DENND5B: variants seen among roughly 807,000 people sequenced by gnomAD.
DENND5B encodes DENN domain-containing protein 5B.
In DENND5B, 34 loss-of-function variants were observed where a neutral mutation model predicts 140.6. The ratio of observed to expected loss-of-function variants is 0.24; its 90% CI spans 0.18 to 0.32. DENND5B has a LOEUF of 0.32. Among genes scored for constraint, DENND5B ranks in the 10% least tolerant of loss-of-function variants. The probability of loss-of-function intolerance (pLI) is 1.00; values close to 1 mark genes in which losing one functional copy is unlikely to be tolerated. For synonymous variants in DENND5B, 551 were observed against 562.1 expected (o/e 0.98, Z 0.28); for missense variants, 1,142 against 1,560.2 (o/e 0.73, Z 4.52).
chr12:31,479,970 G>T lies in DENND5B; in HGVS notation c.523C>A (p.Arg175=). ...GDTTSLLKLQ[R]YNSYDISRDT... ...CTGCTAATATCATAGGAGTTGTATC[G>T]CTGGAGTTTCAAAAGGGAAGTTGTA... The change falls in exon 3 of 21, where the codon CGA becomes AGA. Residue 175 remains arginine (R), a synonymous_variant. Coordinates refer to ENST00000389082, the MANE Select transcript of DENND5B (RefSeq NM_144973.4). 6.2e-7 allele frequency: 1 copy of T among 1,613,936 alleles called. No individual in the cohort carries two copies. The highest frequency in any genetic ancestry group is 1.1e-5 in the South Asian group (1 of 91,072).
chr12:31,452,977 C>T (rs76395579), intron 4 of DENND5B, among the ~76,000 whole-genome samples: 3,290 of 152,266 alleles, frequency 0.022, 116 homozygotes, highest in African/African-American at 0.076. Context: ...TCACTGTATG[C>T]ACTTGAACTT....
At chr12:31,456,823 T>C (rs544644368) in intron 4 of DENND5B, among the ~76,000 whole-genome samples, 22 of 152,304 alleles carry the variant, frequency 1.4e-4, no homozygotes, top group Non-Finnish European at 2.5e-4. Context: ...CTGTGGATGA[T>C]GCTGGTAATC....
intron 1 of DENND5B, among the ~76,000 whole-genome samples, chr12:31,526,431 C>G (rs189848132): frequency 6.6e-6 from 1 of 152,268 alleles, no homozygotes; most frequent in Admixed American, 6.5e-5. Context: ...ATGATCTTGT[C>G]TAAAGTTCAA....
rs377102361 is a variant in DENND5B at position 31,433,116 on chromosome 12, C to T, written c.2106+39G>A. The T allele has an allele frequency of 1.1e-4, 169 of 1,555,848 alleles. 2 individuals are homozygous for T. The highest frequency in any genetic ancestry group is 1.7e-4 in the Middle Eastern group (1 of 5,976). ...TGGAAGGAATAAGCCTAGTTCATGGCGCTTGCTGTGAGGCACCCCAGGAAG... is the reference window on the plus strand; with the variant it reads ...TGGAAGGAATAAGCCTAGTTCATGGTGCTTGCTGTGAGGCACCCCAGGAAG... On this transcript the variant is annotated intron_variant, in intron 8 of 20. Transcript: ENST00000389082.
intron 1 of DENND5B, among the ~76,000 whole-genome samples, chr12:31,528,273 G>T (rs1948156570): frequency 6.6e-6 from 1 of 152,092 alleles, no homozygotes. Flanking sequence ...GCATTCTTTG[G>T]CTTACAGCTG....
At chr12:31,529,162 C>CAAA (rs57966147) in intron 1 of DENND5B, among the ~76,000 whole-genome samples, 26 of 113,208 alleles carry the variant, frequency 2.3e-4, no homozygotes, top group South Asian at 2.1e-3. Flanking sequence ...AACTCTGTCT[C>CAAA]AAAAAAAAAA....
At chr12:31,387,836 G>A in intron 20 of DENND5B, 50 bp from the exon 21 acceptor site, 1 of 1,567,650 alleles carries the variant, frequency 6.4e-7, no homozygotes, top group Non-Finnish European at 8.7e-7. Flanking sequence ...CCTCGCTGCA[G>A]AACAAGGCAC....
At chr12:31,390,136 A>C (rs1177155535) in intron 19 of DENND5B, among the ~76,000 whole-genome samples, 1 of 152,208 alleles carries the variant, frequency 6.6e-6, no homozygotes, top group Non-Finnish European at 1.5e-5. Context: ...CATTTAAAGA[A>C]ACTAGGAATT....
intron 9 of DENND5B, among the ~76,000 whole-genome samples, chr12:31,426,042 G>A (rs976087592): frequency 6.6e-6 from 1 of 152,176 alleles, no homozygotes; most frequent in Non-Finnish European, 1.5e-5. Context: ...CGTTCATGTT[G>A]GTGAGGAGGA....
intron 11 of DENND5B, among the ~76,000 whole-genome samples, chr12:31,422,511 G>A (rs1943076460): frequency 6.6e-6 from 1 of 152,098 alleles, no homozygotes; most frequent in African/African-American, 2.4e-5. Flanking sequence ...TGAGGCAGGA[G>A]AATCACTTGA....
At chr12:31,445,995 G>C (rs1277766043) in intron 6 of DENND5B, among the ~76,000 whole-genome samples, 2 of 149,310 alleles carry the variant, frequency 1.3e-5, no homozygotes, top group African/African-American at 4.9e-5. Flanking sequence ...GGCAACAAGT[G>C]AGACCCTGTC....
intron 3 of DENND5B, among the ~76,000 whole-genome samples, chr12:31,466,521 C>G (rs576276147): frequency 1.3e-5 from 2 of 151,964 alleles, no homozygotes; most frequent in Non-Finnish European, 2.9e-5. Flanking sequence ...GGTGAAACCC[C>G]GTCTCTACTA....
intron 1 of DENND5B, among the ~76,000 whole-genome samples, chr12:31,555,831 T>A (rs141741625): frequency 2.0e-5 from 3 of 152,148 alleles, no homozygotes; most frequent in Non-Finnish European, 4.4e-5. Context: ...TGAGCGAGAC[T>A]CCCTGGGAGT....
intron 4 of DENND5B, among the ~76,000 whole-genome samples, chr12:31,459,110 G>C (rs1441903009): frequency 6.6e-6 from 1 of 151,808 alleles, no homozygotes; most frequent in Non-Finnish European, 1.5e-5. Flanking sequence ...TACTCGGGAG[G>C]ACGAGGCAGG....
intron 12 of DENND5B, 47 bp from the exon 13 acceptor site, chr12:31,413,611 C>G (rs200928925): frequency 1.3e-6 from 2 of 1,578,214 alleles, no homozygotes; most frequent in South Asian, 1.2e-5. Flanking sequence ...AAGGATAACC[C>G]TGACTAGAAA....
intron 1 of DENND5B, among the ~76,000 whole-genome samples, chr12:31,525,720 G>A (rs184800714): frequency 3.7e-4 from 56 of 152,276 alleles, no homozygotes; most frequent in African/African-American, 1.3e-3. Context: ...GGTCAGGCAC[G>A]GTGGCTCACA....
chr12:31,409,007 A>T (rs537677622), intron 14 of DENND5B, among the ~76,000 whole-genome samples: 1 of 152,312 alleles, frequency 6.6e-6, no homozygotes, highest in East Asian at 1.9e-4. Flanking sequence ...CAGTCATGGG[A>T]TGCTGGCTGG....
intron 1 of DENND5B, among the ~76,000 whole-genome samples, chr12:31,549,111 G>C (rs758223466): frequency 1.3e-5 from 2 of 152,116 alleles, no homozygotes; most frequent in Non-Finnish European, 2.9e-5. Context: ...TGTTGTACAC[G>C]CTGTTTCTGA....
intron 7 of DENND5B, among the ~76,000 whole-genome samples, chr12:31,439,352 G>A (rs1943920979): frequency 1.3e-5 from 2 of 152,076 alleles, no homozygotes; most frequent in Non-Finnish European, 2.9e-5. Flanking sequence ...TATATATAAG[G>A]CAAAAGCAAG....
Sources: gnomAD v4.1 joint callset for allele counts (sites outside exome capture counted in the v4.1 genomes callset) on GRCh38, gnomAD v4.1.1 for gene constraint, MANE v1.5 for transcripts, NCBI Gene and HGNC (gene_info 2026-07-23, HGNC 2026-07-21) for gene names.